Variants in KRABD4 observed in about 807,000 individuals in gnomAD.
KRABD4 encodes KRAB domain containing 4.
the KRABD4 span, among the ~76,000 whole-genome samples, chrX:46,467,750 C>T: frequency 3.6e-5 from 4 of 111,160 alleles, no homozygotes; most frequent in African/African-American, 1.3e-4. Context: ...TGTATATGTT[C>T]TGTGGTGAAG....
the KRABD4 span, among the ~76,000 whole-genome samples, chrX:46,470,231 G>A: frequency 2.7e-5 from 3 of 111,006 alleles, no homozygotes; most frequent in Non-Finnish European, 5.7e-5. Context: ...GTGACATCTT[G>A]AAAAACTATA....
the KRABD4 span, chrX:46,448,411 A>G: frequency 8.9e-6 from 1 of 112,775 alleles, no homozygotes; most frequent in Non-Finnish European, 1.9e-5. Flanking sequence ...CCTTGGACAC[A>G]AGAGAGGTAC....
At chrX:46,470,447 A>G in the KRABD4 span, among the ~76,000 whole-genome samples, 2 of 111,175 alleles carry the variant, frequency 1.8e-5, no homozygotes, top group African/African-American at 6.5e-5. Flanking sequence ...GTCATACAGT[A>G]TGATGCTTTA....
the KRABD4 span, among the ~76,000 whole-genome samples, chrX:46,451,434 T>C: frequency 8.9e-6 from 1 of 112,560 alleles, no homozygotes; most frequent in Admixed American, 9.4e-5. Flanking sequence ...ATTGTTTTAA[T>C]TTCTATCTCA....
At chrX:46,458,506 A>G in the KRABD4 span, among the ~76,000 whole-genome samples, 1 of 112,176 alleles carries the variant, frequency 8.9e-6, no homozygotes, top group African/African-American at 3.2e-5. Flanking sequence ...CTAGAAACAT[A>G]CAAAAAGATT....
the KRABD4 span, chrX:46,455,393 C>T: frequency 2.0e-5 from 9 of 461,193 alleles, no homozygotes; most frequent in South Asian, 5.4e-5. Flanking sequence ...GGATCTTTGT[C>T]GGCAATGTGT....
At chrX:46,455,133 AG>A in the KRABD4 span, 1 of 736,860 alleles carries the variant, frequency 1.4e-6, no homozygotes, top group African/African-American at 2.1e-5. Flanking sequence ...GGTTTACAGG[AG>A]ACAAGGATTT....
chrX:46,461,097 A>G, the KRABD4 span, among the ~76,000 whole-genome samples: 1 of 107,167 alleles, frequency 9.3e-6, no homozygotes, highest in African/African-American at 3.4e-5. Flanking sequence ...ACAATATCAA[A>G]CCAGGTGACA....
chrX:46,473,988 G>C, the KRABD4 span: 1 of 113,301 alleles, frequency 8.8e-6, no homozygotes, highest in Admixed American at 9.1e-5. Context: ...TATCCATGCT[G>C]TATATGCTAC....
At chrX:46,466,624 A>G in the KRABD4 span, among the ~76,000 whole-genome samples, 1 of 112,742 alleles carries the variant, frequency 8.9e-6, no homozygotes, top group South Asian at 3.6e-4. Context: ...AATAAAACAA[A>G]ATGCCCTTAT....
the KRABD4 span, among the ~76,000 whole-genome samples, chrX:46,466,962 G>A: frequency 2.7e-5 from 3 of 111,823 alleles, no homozygotes; most frequent in Non-Finnish European, 5.6e-5. Flanking sequence ...TTCTAGTTTG[G>A]TTCTTTCTAG....
chrX:46,464,723 A>T, the KRABD4 span, among the ~76,000 whole-genome samples: 2 of 112,497 alleles, frequency 1.8e-5, no homozygotes, highest in Admixed American at 1.9e-4. Flanking sequence ...CTGGAATTGT[A>T]ATGACTGTGT....
chrX:46,460,499 G>A, the KRABD4 span, among the ~76,000 whole-genome samples: 1 of 109,377 alleles, frequency 9.1e-6, no homozygotes, highest in South Asian at 4.0e-4. Context: ...GATGCATAGG[G>A]CAAGGGATGT....
chrX:46,460,443 G>A, the KRABD4 span, among the ~76,000 whole-genome samples: 1 of 109,067 alleles, frequency 9.2e-6, no homozygotes, highest in African/African-American at 3.3e-5. Flanking sequence ...CTGGGGGCAG[G>A]GGGGTGGATA....
At chrX:46,472,525 G>A in the KRABD4 span, 154 of 359,517 alleles carry the variant, frequency 4.3e-4, no homozygotes, top group South Asian at 4.4e-3. Context: ...TTTCTGGTTT[G>A]AGCTTGGCTG....
the KRABD4 span, chrX:46,457,210 A>T: frequency 8.7e-6 from 2 of 229,788 alleles, no homozygotes; most frequent in African/African-American, 5.8e-5. Context: ...CTTCTCTGCC[A>T]TGCCACCCAC....
the KRABD4 span, chrX:46,463,395 G>C: frequency 3.3e-5 from 27 of 814,768 alleles, no homozygotes; most frequent in Non-Finnish European, 5.0e-5. Flanking sequence ...CAGAGCCTCG[G>C]ACTTGTGGAC....
chrX:46,473,542 ACT>A, the KRABD4 span: 3 of 608,256 alleles, frequency 4.9e-6, no homozygotes, highest in Middle Eastern at 5.3e-4. Flanking sequence ...TGTTAAATCA[ACT>A]CTCATTGTAT....
chrX:46,473,428 G>A, the KRABD4 span: 64 of 1,151,273 alleles, frequency 5.6e-5, no homozygotes, highest in Admixed American at 1.3e-4. Flanking sequence ...TATAAATGCA[G>A]TGTCTGTGAG....
Sources: allele counts gnomAD v4.1 joint callset (sites outside exome capture counted in the v4.1 genomes callset), GRCh38; gene constraint gnomAD v4.1.1; transcripts MANE v1.5; gene names NCBI Gene and HGNC (gene_info 2026-07-23, HGNC 2026-07-21).